Variants in DAB1 observed in about 807,000 individuals in gnomAD.
DAB1 encodes DAB adaptor protein 1, also known as disabled homolog 1.
DAB1 carries 15 observed loss-of-function variants against 64.6 expected under a neutral mutation model. The observed-to-expected ratio is 0.23, with a 90% confidence interval of 0.16 to 0.36. DAB1 has a LOEUF of 0.36. Among genes scored for constraint, DAB1 ranks in the 10% least tolerant of loss-of-function variants. The pLI, the probability that DAB1 is intolerant of heterozygous loss-of-function variation, is 1.00. For missense variants in DAB1, 596 were observed against 706.7 expected, an observed-to-expected ratio of 0.84 and a Z score of 1.78; for synonymous variants, 235 against 251.9, an observed-to-expected ratio of 0.93 and a Z score of 0.64.
chr1:57,009,867 A>G (rs918722903), intron 14 of DAB1, among the ~76,000 whole-genome samples: 4 of 152,196 alleles, frequency 2.6e-5, no homozygotes, highest in Admixed American at 6.5e-5. Context: ...TAGTAAATGT[A>G]AGTACATCTC....
chr1:58,179,300 T>C (rs1656653790), intron 4 of DAB1, among the ~76,000 whole-genome samples: 1 of 152,114 alleles, frequency 6.6e-6, no homozygotes, highest in African/African-American at 2.4e-5. Flanking sequence ...TGTTTAACTT[T>C]CTTGTAATAT....
At chr1:57,633,128 A>G (rs1646011155) in intron 7 of DAB1, among the ~76,000 whole-genome samples, 1 of 152,270 alleles carries the variant, frequency 6.6e-6, no homozygotes, top group African/African-American at 2.4e-5. Context: ...GCCCCTGAGT[A>G]GAGCTCTCTG....
chr1:57,412,626 A>C (rs499375), intron 1 of DAB1, among the ~76,000 whole-genome samples: 9,475 of 152,278 alleles, frequency 0.062, 991 homozygotes, highest in African/African-American at 0.21. Flanking sequence ...TAGATGAAAC[A>C]AGACACAGTA....
At chr1:57,360,511 A>G (rs955184083) in intron 1 of DAB1, among the ~76,000 whole-genome samples, 2 of 152,128 alleles carry the variant, frequency 1.3e-5, no homozygotes, top group African/African-American at 4.8e-5. Context: ...TAATTCGCCA[A>G]AAGGAGTTTG....
At chr1:57,582,124 A>G (rs1645320505) in intron 7 of DAB1, among the ~76,000 whole-genome samples, 1 of 152,200 alleles carries the variant, frequency 6.6e-6, no homozygotes, top group African/African-American at 2.4e-5. Context: ...GACCTCATTT[A>G]AAGCTATTCA....
chr1:57,213,678 G>C (rs1420895524), intron 2 of DAB1, among the ~76,000 whole-genome samples: 2 of 152,172 alleles, frequency 1.3e-5, no homozygotes, highest in Non-Finnish European at 2.9e-5. Flanking sequence ...GCACAACAAA[G>C]TTTGGGTAGC....
Position 57,143,908 on chromosome 1 carries a change from T to TTATGTATATGTA in DAB1, c.207+1370_207+1381dup, listed in dbSNP as rs144195420. ...GTCTTCATGGGCTATTTGAAGATGT[T>TTATGTATATGTA]TATGTATATGTATATGTATATATAT... On this transcript the variant is annotated intron_variant, in intron 3 of 14. Coordinates refer to ENST00000371236, the MANE Select transcript of DAB1 (RefSeq NM_001365792.1). Among the ~76,000 whole-genome samples, 1,414 of 151,728 alleles carry TTATGTATATGTA rather than the reference T, an allele frequency of 9.3e-3. 22 individuals carry two copies. Among genetic ancestry groups the TTATGTATATGTA allele is most frequent in the East Asian group, 0.054 (279 of 5,174 alleles).
At position 57,906,240 on chromosome 1, in the gene DAB1, A is replaced by G. The variant is rs78129150; in HGVS notation, n.388-22078T>C. On this transcript the variant is annotated intron_variant and non_coding_transcript_variant, in intron 5 of 20. Transcript: ENST00000485760. Reference sequence around the variant, plus strand: ...TAGCAATAAAGAGTATACGATAACCATAATGAACCAATACCTATATAGCAT... The same window carrying G: ...TAGCAATAAAGAGTATACGATAACCGTAATGAACCAATACCTATATAGCAT... Among the ~76,000 whole-genome samples the G allele has an allele frequency of 8.5e-3, 1,299 of 152,296 alleles. 13 individuals carry two copies. Among genetic ancestry groups the G allele is most frequent in the African/African-American group, 0.03 (1,249 of 41,540 alleles).
intron 6 of DAB1, among the ~76,000 whole-genome samples, chr1:57,807,825 C>T (rs1406082148): frequency 1.3e-5 from 2 of 152,106 alleles, no homozygotes; most frequent in Admixed American, 1.3e-4. Flanking sequence ...GCCTATTCAA[C>T]ATGAAGATGA....
chr1:57,625,875 T>C (rs1032158254), intron 7 of DAB1, among the ~76,000 whole-genome samples: 7 of 152,076 alleles, frequency 4.6e-5, no homozygotes, highest in Non-Finnish European at 1.0e-4. Context: ...TTGGATTTCA[T>C]AGGCCAGTTT....
chr1:57,096,570 T>G (rs1488645724), intron 4 of DAB1, among the ~76,000 whole-genome samples: 1 of 152,172 alleles, frequency 6.6e-6, no homozygotes, highest in African/African-American at 2.4e-5. Context: ...CTCAGGGTCT[T>G]GAACTCACTG....
At chr1:57,965,463 T>C (rs1343635) in intron 5 of DAB1, among the ~76,000 whole-genome samples, 74,050 of 151,908 alleles carry the variant, frequency 0.49, 18,710 homozygotes, top group East Asian at 0.9. Context: ...GTTGATAGGA[T>C]CTGTGTCATA....
At chr1:57,873,586 G>A (rs1643990973) in intron 1 of DAB1, among the ~76,000 whole-genome samples, 2 of 152,128 alleles carry the variant, frequency 1.3e-5, no homozygotes, top group Admixed American at 6.6e-5. Flanking sequence ...TACTGGTGGC[G>A]GGACCACATG....
intron 4 of DAB1, among the ~76,000 whole-genome samples, chr1:58,197,072 G>C (rs547605851): frequency 6.6e-6 from 1 of 152,236 alleles, no homozygotes; most frequent in Admixed American, 6.5e-5. Flanking sequence ...TTATCTTCTA[G>C]CTATATGCAG....
intron 4 of DAB1, among the ~76,000 whole-genome samples, chr1:58,290,028 C>T (rs1217374407): frequency 2.6e-5 from 4 of 152,222 alleles, no homozygotes; most frequent in Non-Finnish European, 4.4e-5. Flanking sequence ...TTTTAAGCTC[C>T]TATCATGTTC....
At chr1:58,364,140 C>T (rs1644193963) in intron 3 of DAB1, among the ~76,000 whole-genome samples, 1 of 152,180 alleles carries the variant, frequency 6.6e-6, no homozygotes, top group African/African-American at 2.4e-5. Context: ...CCCAGACACA[C>T]CTTTAATACA....
chr1:57,781,348 G>A (rs3131748), intron 6 of DAB1, among the ~76,000 whole-genome samples: 22,334 of 151,324 alleles, frequency 0.15, 1,859 homozygotes, highest in East Asian at 0.26. Flanking sequence ...CTGGTATTAT[G>A]GTTGATGAAA....
At chr1:58,132,247 T>G (rs1458675975) in intron 5 of DAB1, among the ~76,000 whole-genome samples, 1 of 152,132 alleles carries the variant, frequency 6.6e-6, no homozygotes. Context: ...AGCGATTTCT[T>G]TGACTCAGAA....
intron 2 of DAB1, among the ~76,000 whole-genome samples, chr1:57,206,159 C>A (rs746396312): frequency 6.6e-6 from 1 of 152,152 alleles, no homozygotes; most frequent in East Asian, 1.9e-4. Flanking sequence ...AGGAAGCTGG[C>A]TTTGTTCTGC....
Sources: allele counts gnomAD v4.1 joint callset (sites outside exome capture counted in the v4.1 genomes callset), GRCh38; gene constraint gnomAD v4.1.1; transcripts MANE v1.5; gene names NCBI Gene and HGNC (gene_info 2026-07-23, HGNC 2026-07-21).